The following WRN variants were observed in gnomAD, a reference collection of about 807,000 sequenced individuals.
WRN encodes WRN RecQ like helicase, also known as bifunctional 3'-5' exonuclease/ATP-dependent helicase WRN.
In WRN, 149 loss-of-function variants were observed where a neutral mutation model predicts 180.7. The ratio of observed to expected loss-of-function variants is 0.82; its 90% CI spans 0.72 to 0.94. The LOEUF is 0.94. WRN is among the 40% of genes least tolerant of loss of function. The probability of loss-of-function intolerance (pLI) is 0.00; values close to 1 mark genes in which losing one functional copy is unlikely to be tolerated. For synonymous variants in WRN, 548 were observed against 568.9 expected (o/e 0.96, Z 0.52); for missense variants, 1,661 against 1,700.1 (o/e 0.98, Z 0.40).
intron 1 of WRN, among the ~76,000 whole-genome samples, chr8:31,046,788 G>A (rs1262315714): frequency 3.3e-5 from 5 of 152,104 alleles, no homozygotes; most frequent in African/African-American, 1.2e-4. Context: ...ATCACCTATT[G>A]GTACCTGACT....
chr8:31,069,441 A>G (rs1812827064), intron 7 of WRN, among the ~76,000 whole-genome samples: 1 of 152,182 alleles, frequency 6.6e-6, no homozygotes, highest in South Asian at 2.1e-4. Flanking sequence ...GGATTCAACC[A>G]ACCACAGATT....
At chr8:31,090,091 C>T (rs1813687033) in intron 13 of WRN, among the ~76,000 whole-genome samples, 1 of 151,622 alleles carries the variant, frequency 6.6e-6, no homozygotes, top group Non-Finnish European at 1.5e-5. Context: ...AAATTCTTAT[C>T]AAGAGATATT....
chr8:31,163,118 A>T (rs1206824628), intron 33 of WRN, among the ~76,000 whole-genome samples: 1 of 152,252 alleles, frequency 6.6e-6, no homozygotes, highest in Non-Finnish European at 1.5e-5. Context: ...ACGCGCACGC[A>T]TGCGTGCTCA....
chr8:31,124,378 T>G, intron 21 of WRN, 144 bp from the exon 22 acceptor site: 1 of 628,416 alleles, frequency 1.6e-6, no homozygotes, highest in Non-Finnish European at 2.8e-6. Context: ...CAGAACTTTC[T>G]GAGATGCTAG....
chr8:31,110,350 T>C (rs1051463263), intron 18 of WRN, among the ~76,000 whole-genome samples: 13 of 152,142 alleles, frequency 8.5e-5, no homozygotes, highest in African/African-American at 2.7e-4. Context: ...AATTTTGGGG[T>C]TGCCTTTTAA....
chr8:31,096,639 A>G (rs1399731906), intron 16 of WRN, 129 bp from the exon 17 acceptor site: 1 of 741,290 alleles, frequency 1.3e-6, no homozygotes, highest in African/African-American at 1.8e-5. Context: ...GACATAAAGT[A>G]TTATTTAAAC....
intron 34 of WRN, among the ~76,000 whole-genome samples, chr8:31,168,193 T>C (rs1803972407): frequency 2.6e-5 from 4 of 152,088 alleles, no homozygotes; most frequent in Non-Finnish European, 5.9e-5. Flanking sequence ...TTGGAAATCT[T>C]TATATTGTTT....
In WRN at chr8:31,064,329, G is replaced by T; in HGVS notation, c.250G>T (p.Glu84Ter). The change falls in exon 4 of 35, where the codon GAG (glutamate) becomes TAG (stop). Residue 84 changes from glutamate (E) to a stop codon, truncating the protein, a stop_gained. Coordinates refer to ENST00000298139, the MANE Select transcript of WRN (RefSeq NM_000553.6). LOFTEE classifies it high-confidence loss of function. ...TGGGGATGTGGTGGGATTTGACATG[G>T]AGTGGCCACCATTATACAATAGAGG... ...SDGDVVGFDMEWPPLYNRGKL... is the reference protein window; with the variant it reads ...SDGDVVGFDM 2 of 1,614,080 alleles carry T rather than the reference G, an allele frequency of 1.2e-6. No homozygotes were observed. The highest frequency in any genetic ancestry group is 1.7e-6 in the Non-Finnish European group (2 of 1,180,002).
At chr8:31,106,407 A>G (rs543291145) in intron 18 of WRN, among the ~76,000 whole-genome samples, 2 of 152,270 alleles carry the variant, frequency 1.3e-5, no homozygotes, top group East Asian at 3.9e-4. Context: ...AAAAGTCCTT[A>G]TGATGAGTTA....
At chr8:31,123,823 C>T (rs148528553) in intron 21 of WRN, among the ~76,000 whole-genome samples, 3 of 152,202 alleles carry the variant, frequency 2.0e-5, no homozygotes, top group Non-Finnish European at 4.4e-5. Flanking sequence ...GCTTTCTTCA[C>T]AGAAGACTAG....
At chr8:31,170,156 G>C (rs1461560384) in intron 34 of WRN, among the ~76,000 whole-genome samples, 1 of 152,014 alleles carries the variant, frequency 6.6e-6, no homozygotes, top group African/African-American at 2.4e-5. Context: ...AGTTTCCCAA[G>C]GATACCTTTA....
chr8:31,100,097 T>C (rs1330963297), intron 17 of WRN, among the ~76,000 whole-genome samples: 1 of 152,192 alleles, frequency 6.6e-6, no homozygotes, highest in Non-Finnish European at 1.5e-5. Context: ...AAGTATCAAT[T>C]TGTTAATTGA....
At chr8:31,092,476 CACAA>C (rs1386418872) in intron 16 of WRN, among the ~76,000 whole-genome samples, 2 of 151,290 alleles carry the variant, frequency 1.3e-5, no homozygotes, top group Non-Finnish European at 2.9e-5. Flanking sequence ...TACACACACA[CACAA>C]ACATATGTAC....
intron 13 of WRN, among the ~76,000 whole-genome samples, chr8:31,089,904 G>C (rs1436453996): frequency 6.6e-6 from 1 of 151,684 alleles, no homozygotes. Context: ...TGCATCTCAG[G>C]GTCAATCGAG....
intron 1 of WRN, among the ~76,000 whole-genome samples, chr8:31,049,099 T>C (rs1286586317): frequency 6.8e-6 from 1 of 146,428 alleles, no homozygotes; most frequent in Non-Finnish European, 1.5e-5. Flanking sequence ...TAGTCCCAGC[T>C]ACTCCGGAGG....
chr8:31,057,624 C>A (rs1812323189), intron 1 of WRN, among the ~76,000 whole-genome samples: 1 of 152,080 alleles, frequency 6.6e-6, no homozygotes, highest in South Asian at 2.1e-4. Flanking sequence ...CAAATAGGAA[C>A]TAAAGTTGAA....
chr8:31,143,052 C>CAT (rs1554533145), intron 27 of WRN, among the ~76,000 whole-genome samples: 3 of 65,444 alleles, frequency 4.6e-5, no homozygotes, highest in African/African-American at 1.0e-4. Flanking sequence ...CACACACACA[C>CAT]ACATTCTCTC....
chr8:31,102,276 T>TTA (rs1202640692), intron 18 of WRN, among the ~76,000 whole-genome samples: 1 of 152,250 alleles, frequency 6.6e-6, no homozygotes, highest in African/African-American at 2.4e-5. Context: ...TTCAAGAATG[T>TTA]TATATACATG....
intron 27 of WRN, 82 bp from the exon 28 acceptor site, chr8:31,143,468 T>G: frequency 4.8e-5 from 46 of 952,438 alleles, no homozygotes; most frequent in Non-Finnish European, 6.8e-5. Context: ...ATTGTGATTT[T>G]GAGATTTTTG....
Sources: gnomAD v4.1 joint callset for allele counts (sites outside exome capture counted in the v4.1 genomes callset) on GRCh38, gnomAD v4.1.1 for gene constraint, MANE v1.5 for transcripts, NCBI Gene and HGNC (gene_info 2026-07-23, HGNC 2026-07-21) for gene names.